The following NWD2 variants were observed in gnomAD, a reference collection of about 807,000 sequenced individuals.
The protein encoded by NWD2 is NACHT and WD repeat domain containing 2, also known as NACHT and WD repeat domain-containing protein 2.
In NWD2, 37 loss-of-function variants were observed where a neutral mutation model predicts 132.7. That is an observed-to-expected ratio of 0.28 (90% CI 0.21 to 0.37). The LOEUF (loss-of-function observed/expected upper bound fraction) is 0.37, where lower values mean the gene tolerates loss of function less well. Ranked by LOEUF, NWD2 falls within the 10% of genes least tolerant of loss-of-function variation. The pLI, the probability that NWD2 is intolerant of heterozygous loss-of-function variation, is 1.00. For synonymous variants in NWD2, 705 were observed against 803.0 expected, an observed-to-expected ratio of 0.88 and a Z score of 2.06; for missense variants, 1,592 against 2,122.4, an observed-to-expected ratio of 0.75 and a Z score of 4.91.
rs553217449 is a variant in NWD2 at position 37,326,935 on chromosome 4, G to A, written c.240+911G>A. ...ATATGTTGTATAAAGTAACAGTCTC[G>A]AAATGGCTTCAATCTCAATGCATAA... On this transcript the variant is annotated intron_variant, in intron 2 of 6. Coordinates refer to ENST00000309447, the MANE Select transcript of NWD2 (RefSeq NM_001144990.2). Among the ~76,000 whole-genome samples, 71 of 152,168 alleles carry A rather than the reference G, an allele frequency of 4.7e-4. No homozygotes were observed. The South Asian group carries it at 5.2e-3, about 11-fold the overall frequency.
rs1717199597 is a variant in NWD2 at position 37,245,009 on chromosome 4, C to G, written c.-59C>G. 1 of 1,534,668 alleles carries G rather than the reference C, an allele frequency of 6.5e-7. No individual in the cohort carries two copies. Among genetic ancestry groups the G allele is most frequent in the Non-Finnish European group, 8.7e-7 (1 of 1,144,116 alleles). On this transcript the variant is annotated 5_prime_UTR_variant, in exon 1 of 7. Coordinates refer to ENST00000309447, the MANE Select transcript of NWD2 (RefSeq NM_001144990.2). ...CTGAGCCGTTCCGTGGAGCTGCGGG[C>G]AGGAACCCGAGGAGCAGGAGGTGGC...
intron 1 of NWD2, among the ~76,000 whole-genome samples, chr4:37,263,819 A>T (rs1448513079): frequency 2.0e-5 from 3 of 152,292 alleles, no homozygotes; most frequent in South Asian, 4.1e-4. Flanking sequence ...GTTATTTTTT[A>T]AAAAAAGAAA....
At chr4:37,401,071 T>C (rs550725327) in intron 3 of NWD2, among the ~76,000 whole-genome samples, 8 of 152,292 alleles carry the variant, frequency 5.3e-5, no homozygotes, top group South Asian at 2.1e-4. Flanking sequence ...ATATAGGTAA[T>C]GTAAGTGTCA....
rs918362478 is a variant in NWD2, at chr4:37,298,698, A to G, written c.152-27238A>G. On this transcript the variant is annotated intron_variant, in intron 1 of 6. Transcript: ENST00000309447. ...TTGACAACCATAATAATTTATTCAGACAAGGATCATCAATGAAAGTTCGAG... is the reference window on the plus strand; with the variant it reads ...TTGACAACCATAATAATTTATTCAGGCAAGGATCATCAATGAAAGTTCGAG... 2.6e-5 allele frequency among the ~76,000 whole-genome samples: 4 copies of G among 152,178 alleles called. No homozygotes were observed. The East Asian group carries it at 5.8e-4, about 22-fold the overall frequency.
At chr4:37,387,678 T>C (rs1202449847) in intron 3 of NWD2, among the ~76,000 whole-genome samples, 1 of 143,612 alleles carries the variant, frequency 7.0e-6, no homozygotes, top group African/African-American at 2.6e-5. Flanking sequence ...TTCTTTTTTT[T>C]TTTTTTTTTT....
At chr4:37,282,358 G>A (rs1454366872) in intron 1 of NWD2, among the ~76,000 whole-genome samples, 1 of 152,074 alleles carries the variant, frequency 6.6e-6, no homozygotes, top group African/African-American at 2.4e-5. Flanking sequence ...TTTCCCCTGA[G>A]CCTGCTTTAC....
rs146546273 is a variant in NWD2, at chr4:37,412,364, G to C, written c.358-18208G>C. 3.3e-5 allele frequency among the ~76,000 whole-genome samples: 5 copies of C among 152,206 alleles called. No homozygotes were observed. The East Asian group carries it at 9.6e-4, about 29-fold the overall frequency. ...TAACAGACAAACAGCCAAATCATGA[G>C]TGAACTCCCATTCACAATTGCTACT... On this transcript the variant is annotated intron_variant, in intron 3 of 6. Transcript: ENST00000309447.
intron 1 of NWD2, among the ~76,000 whole-genome samples, chr4:37,288,600 A>G (rs765059214): frequency 3.6e-4 from 55 of 152,222 alleles, no homozygotes; most frequent in Admixed American, 2.2e-3. Flanking sequence ...CAGAAATTTA[A>G]TCAGCAAACT....
chr4:37,245,181 C>G lies in NWD2; in HGVS notation c.114C>G (p.Gly38=). The change falls in exon 1 of 7, where the codon GGC becomes GGG. Residue 38 remains glycine, a synonymous_variant. Coordinates refer to ENST00000309447, the MANE Select transcript of NWD2 (RefSeq NM_001144990.2). ...TGCCCTCTCACCTCGTGCCCGCCGG[C>G]CGCAGCGTCCGGGTCTTCATCAGCG... ...TALPSHLVPA[G]RSVRVFISAN... The G allele has an allele frequency of 6.5e-7, 1 of 1,544,080 alleles. No individual in the cohort carries two copies. The highest frequency in any genetic ancestry group is 8.7e-7 in the Non-Finnish European group (1 of 1,146,120).
intron 3 of NWD2, among the ~76,000 whole-genome samples, chr4:37,415,223 C>G (rs1280871280): frequency 2.0e-5 from 3 of 152,116 alleles, no homozygotes; most frequent in Non-Finnish European, 4.4e-5. Flanking sequence ...TAGAGGAGAC[C>G]TGGGGTCAGA....
intron 3 of NWD2, among the ~76,000 whole-genome samples, chr4:37,360,461 A>C (rs1035679661): frequency 6.6e-6 from 1 of 152,214 alleles, no homozygotes; most frequent in Non-Finnish European, 1.5e-5. Flanking sequence ...TGTAAAATGC[A>C]TATGGTACAT....
chr4:37,352,561 A>G lies in NWD2; in HGVS notation c.241-3805A>G, dbSNP rs183625814. ...CTGGGTGCTCCTGTATTGGGTGCAT[A>G]TATATTCAGGATAGTTAGCTCTCGT... On this transcript the variant is annotated intron_variant, in intron 2 of 6. Coordinates refer to ENST00000309447, the MANE Select transcript of NWD2 (RefSeq NM_001144990.2). Among the ~76,000 whole-genome samples, 4 of 152,302 alleles carry G rather than the reference A, an allele frequency of 2.6e-5. No homozygotes were observed. The East Asian group carries it at 7.7e-4, about 29-fold the overall frequency.
intron 3 of NWD2, among the ~76,000 whole-genome samples, chr4:37,391,819 G>T (rs4374632): frequency 6.6e-6 from 1 of 152,146 alleles, no homozygotes; most frequent in African/African-American, 2.4e-5. Flanking sequence ...TCTTCCCCCA[G>T]CTATAAAAGG....
chr4:37,296,394 C>G (rs963318035), intron 1 of NWD2, among the ~76,000 whole-genome samples: 1 of 152,096 alleles, frequency 6.6e-6, no homozygotes, highest in East Asian at 1.9e-4. Flanking sequence ...TGATCATGTA[C>G]ATTGATGGCA....
intron 1 of NWD2, among the ~76,000 whole-genome samples, chr4:37,278,633 G>T (rs924007184): frequency 6.6e-6 from 1 of 152,164 alleles, no homozygotes; most frequent in African/African-American, 2.4e-5. Flanking sequence ...ATGCATTGCT[G>T]CATTTGTGAG....
At chr4:37,299,699 A>G (rs1038954458) in intron 1 of NWD2, among the ~76,000 whole-genome samples, 3 of 152,108 alleles carry the variant, frequency 2.0e-5, no homozygotes, top group Non-Finnish European at 4.4e-5. Flanking sequence ...GAATTACTCT[A>G]ATGTGGGCAG....
chr4:37,306,932 G>A lies in NWD2; in HGVS notation c.152-19004G>A, dbSNP rs188188133. ...ACAGCTACTCGGAAGGCTGAGGCAGGAGAATCACTTGAACCCGGGAGGTGG... is the reference window on the plus strand; with the variant it reads ...ACAGCTACTCGGAAGGCTGAGGCAGAAGAATCACTTGAACCCGGGAGGTGG... On this transcript the variant is annotated intron_variant, in intron 1 of 6. Coordinates refer to ENST00000309447, the MANE Select transcript of NWD2 (RefSeq NM_001144990.2). Among the ~76,000 whole-genome samples the A allele has an allele frequency of 1.9e-4, 29 of 152,014 alleles. 2 individuals carry two copies. The East Asian group carries it at 5.6e-3, about 29-fold the overall frequency.
At chr4:37,372,935 C>T (rs1168043425) in intron 3 of NWD2, among the ~76,000 whole-genome samples, 1 of 152,220 alleles carries the variant, frequency 6.6e-6, no homozygotes, top group Non-Finnish European at 1.5e-5. Flanking sequence ...AGTATTGCTT[C>T]TCCCAGCTTC....
chr4:37,314,532 T>C (rs1326548433), intron 1 of NWD2, among the ~76,000 whole-genome samples: 1 of 152,236 alleles, frequency 6.6e-6, no homozygotes, highest in Non-Finnish European at 1.5e-5. Flanking sequence ...ATCTAATTTC[T>C]TTAATGTATT....
Sources: gnomAD v4.1 joint callset for allele counts (sites outside exome capture counted in the v4.1 genomes callset) on GRCh38, gnomAD v4.1.1 for gene constraint, MANE v1.5 for transcripts, NCBI Gene and HGNC (gene_info 2026-07-23, HGNC 2026-07-21) for gene names.